Variants in ETFA observed in about 807,000 individuals in gnomAD.
ETFA encodes electron transfer flavoprotein subunit alpha.
In ETFA, 22 loss-of-function variants were observed where a neutral mutation model predicts 46.2. The ratio of observed to expected loss-of-function variants is 0.48; its 90% confidence interval spans 0.34 to 0.68. ETFA has a LOEUF of 0.68. Among genes scored for constraint, ETFA ranks in the 30% least tolerant of loss-of-function variants. ETFA has a pLI of 0.01. For missense variants in ETFA, 345 were observed against 401.1 expected (o/e 0.86, Z 1.19); for synonymous variants, 131 against 139.9 (o/e 0.94, Z 0.45).
At chr15:76,294,535 C>T (rs1448326633) in intron 2 of ETFA, among the ~76,000 whole-genome samples, 5 of 152,062 alleles carry the variant, frequency 3.3e-5, no homozygotes, top group African/African-American at 1.2e-4. Flanking sequence ...TTATCACATG[C>T]TCTGAATTAT....
intron 4 of ETFA, among the ~76,000 whole-genome samples, chr15:76,289,164 C>T (rs1223931940): frequency 1.3e-5 from 2 of 151,990 alleles, no homozygotes; most frequent in Non-Finnish European, 2.9e-5. Context: ...GAATTCCTGG[C>T]CTCAGCTGAT....
intron 1 of ETFA, among the ~76,000 whole-genome samples, chr15:76,308,734 A>C (rs2469212): frequency 0.15 from 22,949 of 152,212 alleles, 2,242 homozygotes; most frequent in African/African-American, 0.28. Context: ...GACAACTGGC[A>C]AAATTGAACA....
At chr15:76,220,971 C>G (rs2038951328) in intron 11 of ETFA, among the ~76,000 whole-genome samples, 1 of 152,142 alleles carries the variant, frequency 6.6e-6, no homozygotes, top group African/African-American at 2.4e-5. Context: ...AATTCCATTC[C>G]TAGACATCCA....
intron 9 of ETFA, among the ~76,000 whole-genome samples, chr15:76,238,905 G>A (rs1465368648): frequency 2.6e-5 from 4 of 152,142 alleles, no homozygotes; most frequent in African/African-American, 9.7e-5. Context: ...TCTCAGGTGG[G>A]ATTCTGGCTA....
At chr15:76,270,785 C>T (rs2039521516) in intron 9 of ETFA, among the ~76,000 whole-genome samples, 1 of 152,030 alleles carries the variant, frequency 6.6e-6, no homozygotes, top group African/African-American at 2.4e-5. Flanking sequence ...TGGGACAATT[C>T]GTACATCAAT....
intron 9 of ETFA, chr15:76,260,842 C>T: frequency 1.9e-6 from 3 of 1,611,488 alleles, no homozygotes; most frequent in African/African-American, 1.3e-5. Context: ...GTGGCAGGCA[C>T]CAGGTCCCGG....
chr15:76,260,394 G>A (rs2039396458), intron 9 of ETFA: 17 of 1,574,192 alleles, frequency 1.1e-5, no homozygotes, highest in Admixed American at 6.7e-5. Context: ...CACCAGGGCC[G>A]TTAGCACACC....
Position 76,295,625 on chromosome 15 carries a change from AC to A in ETFA, c.151del (p.Val51CysfsTer4), listed in dbSNP as rs1435836340. Reference protein sequence around the residue: ...ITAATRLGGEVSCLVAGTKCD... With the variant: ...ITAATRLGGEXSCLVAGTKCD... ...TTTGGTTCCAGCTACTAAGCAGGAC[AC>A]TTCACCTCCAAGGCGTGTGGCTGCA... On this transcript the variant is annotated frameshift_variant, in exon 2 of 12. Coordinates refer to ENST00000557943, the MANE Select transcript of ETFA (RefSeq NM_000126.4). LOFTEE classifies it high-confidence loss of function. 1 of 1,613,898 alleles carries A rather than the reference AC, an allele frequency of 6.2e-7. No homozygotes were observed. Among genetic ancestry groups the A allele is most frequent in the African/African-American group, 1.3e-5 (1 of 75,020 alleles).
At chr15:76,221,255 T>C (rs1439720829) in intron 11 of ETFA, among the ~76,000 whole-genome samples, 1 of 152,236 alleles carries the variant, frequency 6.6e-6, no homozygotes, top group African/African-American at 2.4e-5. Flanking sequence ...ATTCAATTTA[T>C]ATGAAACATC....
intron 1 of ETFA, among the ~76,000 whole-genome samples, chr15:76,303,974 G>T (rs536907024): frequency 4.6e-5 from 7 of 152,220 alleles, no homozygotes; most frequent in Non-Finnish European, 1.0e-4. Context: ...CTACCATAAA[G>T]ATACATGCAT....
chr15:76,260,806 C>T, intron 9 of ETFA: 1 of 1,607,578 alleles, frequency 6.2e-7, no homozygotes. Context: ...AAAGCATTGG[C>T]ACAGCACACC....
chr15:76,247,497 C>G (rs4886787), intron 9 of ETFA, among the ~76,000 whole-genome samples: 39,274 of 152,084 alleles, frequency 0.26, 5,850 homozygotes, highest in East Asian at 0.57. Context: ...TTGCTAGAAT[C>G]TTTCCATACA....
Position 76,225,871 on chromosome 15 carries a change from C to T in ETFA, c.941G>A (p.Gly314Glu). 6.2e-7 allele frequency: 1 copy of T among 1,609,682 alleles called. No homozygotes were observed. Among genetic ancestry groups the T allele is most frequent in the Non-Finnish European group, 8.5e-7 (1 of 1,176,072 alleles). ...EAPIFQVADY[G>E]IVADLFKVVP... The stretch of plus-strand genomic sequence containing the variant: ...TACCTTAAATAAATCTGCAACTATT[C>T]CATAATCTGCCACTTGGAAAATTGG... Residue 314 changes from glycine to glutamate, a missense_variant, in exon 11 of 12, where the codon GGA becomes GAA. Gly to Glu is a moderately conservative substitution (Grantham distance 98). Coordinates refer to ENST00000557943, the MANE Select transcript of ETFA (RefSeq NM_000126.4).
At chr15:76,231,170 T>G (rs1017376723) in intron 10 of ETFA, 163 bp downstream of exon 10, 6 of 629,780 alleles carry the variant, frequency 9.5e-6, no homozygotes, top group Non-Finnish European at 1.4e-5. Flanking sequence ...TGACCAATAA[T>G]TTTTAAGGCA....
At position 76,216,432 on chromosome 15, in the gene ETFA, A is replaced by C; in HGVS notation, c.*127T>G. On this transcript the variant is annotated 3_prime_UTR_variant, in exon 12 of 12. Coordinates refer to ENST00000557943, the MANE Select transcript of ETFA (RefSeq NM_000126.4). ...AAACAAGCATTCTGGCATCTGTTAGAAATTTTCCCTCAAATTATGAAATGT... is the reference window on the plus strand; with the variant it reads ...AAACAAGCATTCTGGCATCTGTTAGCAATTTTCCCTCAAATTATGAAATGT... 1 of 650,686 alleles carries C rather than the reference A, an allele frequency of 1.5e-6. No homozygotes were observed. The highest frequency in any genetic ancestry group is 2.8e-6 in the Non-Finnish European group (1 of 362,602). The allele number at this position is 650,686 out of a possible 1,614,324, so 40.3% of individuals were successfully genotyped here.
At chr15:76,252,366 T>G (rs1002252704) in intron 9 of ETFA, among the ~76,000 whole-genome samples, 1 of 152,184 alleles carries the variant, frequency 6.6e-6, no homozygotes, top group Admixed American at 6.5e-5. Flanking sequence ...GAATTTTTAT[T>G]TACACACTCT....
At chr15:76,290,330 ACTCTTT>A (rs1180210794) in intron 4 of ETFA, among the ~76,000 whole-genome samples, 8 of 66,720 alleles carry the variant, frequency 1.2e-4, no homozygotes, top group Non-Finnish European at 2.4e-4. Flanking sequence ...CAAAGTCGCT[ACTCTTT>A]TTTTTTTTTT....
chr15:76,239,066 ACTGT>A (rs111322844), intron 9 of ETFA, among the ~76,000 whole-genome samples: 77 of 152,348 alleles, frequency 5.1e-4, no homozygotes, highest in African/African-American at 1.6e-3. Flanking sequence ...AGCTATATGT[ACTGT>A]CTATGTTACG....
chr15:76,292,563 T>G (rs1327025441), intron 3 of ETFA, 50 bp from the exon 4 acceptor site: 10 of 1,582,388 alleles, frequency 6.3e-6, no homozygotes, highest in Non-Finnish European at 8.7e-6. Context: ...TACTTTCATA[T>G]TCATATATTC....
Sources: gnomAD v4.1 joint callset for allele counts (sites outside exome capture counted in the v4.1 genomes callset) on GRCh38, gnomAD v4.1.1 for gene constraint, MANE v1.5 for transcripts, NCBI Gene and HGNC (gene_info 2026-07-23, HGNC 2026-07-21) for gene names.